The following MAST2 variants were observed in gnomAD, a reference collection of about 807,000 sequenced individuals.
MAST2 encodes the protein microtubule-associated serine/threonine-protein kinase 2.
A neutral mutation model predicts 147.4 loss-of-function variants in MAST2; 70 were observed. That is an observed-to-expected ratio of 0.47 (90% CI 0.39 to 0.58). MAST2 has a LOEUF of 0.58. MAST2 is among the 20% of genes least tolerant of loss of function. MAST2 has a pLI of 0.00. For missense variants in MAST2, 2,080 were observed against 2,302.3 expected, an observed-to-expected ratio of 0.90 and a Z score of 1.98; for synonymous variants, 869 against 896.8, an observed-to-expected ratio of 0.97 and a Z score of 0.55.
At chr1:45,960,757 CAGACTT>C (rs1416295709) in intron 5 of MAST2, among the ~76,000 whole-genome samples, 5 of 152,204 alleles carry the variant, frequency 3.3e-5, no homozygotes, top group Non-Finnish European at 5.9e-5. Flanking sequence ...TGGCAATTGA[CAGACTT>C]AGAACTGTTC....
At chr1:45,856,899 A>T in intron 3 of MAST2, among the ~76,000 whole-genome samples, 1 of 151,968 alleles carries the variant, frequency 6.6e-6, no homozygotes, top group South Asian at 2.1e-4. Flanking sequence ...TAAGCTAGTT[A>T]TTTTTAAATA....
At chr1:46,033,726 G>C in intron 26 of MAST2, 76 bp from the exon 27 acceptor site, 1 of 1,571,180 alleles carries the variant, frequency 6.4e-7, no homozygotes, top group East Asian at 2.3e-5. Flanking sequence ...AGCCATGCCA[G>C]AAGGGAAGGA....
At chr1:45,886,399 C>T (rs926967210) in intron 4 of MAST2, among the ~76,000 whole-genome samples, 37 of 151,468 alleles carry the variant, frequency 2.4e-4, no homozygotes, top group African/African-American at 1.7e-4. Flanking sequence ...CATTCTAATA[C>T]GCAAAATGCA....
intron 3 of MAST2, among the ~76,000 whole-genome samples, chr1:45,855,088 C>G (rs1160722523): frequency 6.6e-6 from 1 of 152,134 alleles, no homozygotes; most frequent in Non-Finnish European, 1.5e-5. Flanking sequence ...GGCATGATCC[C>G]CTTCCCAGAG....
chr1:45,915,515 C>G lies in MAST2; in HGVS notation c.500+33120C>G, dbSNP rs558680503. 2.6e-5 allele frequency among the ~76,000 whole-genome samples: 4 copies of G among 152,190 alleles called. No individual in the cohort carries two copies. The East Asian group carries it at 7.7e-4, about 29-fold the overall frequency. ...CACGAGGTCAGGAGATCGAGACCAT[C>G]CTGGCTAACACGGTGAAACTCTGTC... On this transcript the variant is annotated intron_variant, in intron 4 of 28. Coordinates refer to ENST00000361297, the MANE Select transcript of MAST2 (RefSeq NM_015112.3).
intron 3 of MAST2, among the ~76,000 whole-genome samples, chr1:45,863,925 TTG>T (rs1405729363): frequency 6.6e-6 from 1 of 152,192 alleles, no homozygotes; most frequent in Non-Finnish European, 1.5e-5. Context: ...ACTAACAATT[TTG>T]TGTGTGTGAC....
At position 46,027,821 on chromosome 1, in the gene MAST2, G is replaced by C; in HGVS notation, c.2010G>C (p.Glu670Asp). 1 of 1,614,164 alleles carries C rather than the reference G, an allele frequency of 6.2e-7. No homozygotes were observed. The highest frequency in any genetic ancestry group is 8.5e-7 in the Non-Finnish European group (1 of 1,180,042). Residue 670 changes from glutamate (E) to aspartate (D), a missense_variant, in exon 17 of 29, where the codon GAG (glutamate) becomes GAC (aspartate). Around this residue, in one of 4 missense-constraint regions of MAST2, gnomAD observed 209 missense variants for 309.5 expected, o/e 0.68. Coordinates refer to ENST00000361297, the MANE Select transcript of MAST2 (RefSeq NM_015112.3). ...TGAGTCTGACAACGAACTTGTATGA[G>C]GGTCATATTGAAAAGGATGCCCGGG... Reference protein sequence around the residue: ...GLMSLTTNLYEGHIEKDAREF... With the variant: ...GLMSLTTNLYDGHIEKDAREF...
At chr1:45,919,345 A>G (rs947894966) in intron 4 of MAST2, among the ~76,000 whole-genome samples, 3 of 152,162 alleles carry the variant, frequency 2.0e-5, no homozygotes, top group Non-Finnish European at 4.4e-5. Context: ...TGAATTAGCT[A>G]TTCATTCAGG....
intron 4 of MAST2, among the ~76,000 whole-genome samples, chr1:45,894,431 CTG>C (rs918902645): frequency 6.6e-6 from 1 of 151,998 alleles, no homozygotes; most frequent in African/African-American, 2.4e-5. Flanking sequence ...TTTTAAATAA[CTG>C]TAGTTTTTTT....
At chr1:45,909,817 T>C (rs892150114) in intron 4 of MAST2, among the ~76,000 whole-genome samples, 7 of 150,434 alleles carry the variant, frequency 4.7e-5, no homozygotes, top group Non-Finnish European at 1.0e-4. Flanking sequence ...CACCTGGCCC[T>C]TTCTTTTCTT....
intron 10 of MAST2, among the ~76,000 whole-genome samples, chr1:46,015,754 G>A (rs1307280824): frequency 6.6e-6 from 1 of 152,132 alleles, no homozygotes; most frequent in Non-Finnish European, 1.5e-5. Context: ...GTACAAGGAG[G>A]AATTGGTACC....
chr1:45,986,707 A>G (rs1178785316), intron 5 of MAST2, among the ~76,000 whole-genome samples: 1 of 113,126 alleles, frequency 8.8e-6, no homozygotes, highest in African/African-American at 3.5e-5. Flanking sequence ...ACACAGAGAG[A>G]CTCCGTCTCA....
Position 46,031,650 on chromosome 1 carries a change from A to C in MAST2, c.3187+65A>C. The C allele has an allele frequency of 1.3e-6, 2 of 1,501,226 alleles. No individual in the cohort carries two copies. Among genetic ancestry groups the C allele is most frequent in the East Asian group, 4.7e-5 (2 of 42,538 alleles). 93.0% of individuals were successfully genotyped at this position (1,501,226 alleles called of 1,614,324 possible). The stretch of plus-strand genomic sequence containing the variant: ...GGCCTTGTAATCTCTAGGCCTTGGG[A>C]GGGTTCTGCACGTGGCAGGTGTGTG... On this transcript the variant is annotated intron_variant, in intron 24 of 28. Transcript: ENST00000361297. The surrounding 1 kb of genome is among the most constrained non-coding windows in gnomAD (Gnocchi z 4.1).
chr1:45,930,391 T>G (rs200534318), intron 4 of MAST2, among the ~76,000 whole-genome samples: 3 of 147,278 alleles, frequency 2.0e-5, no homozygotes, highest in Admixed American at 6.9e-5. Flanking sequence ...TTTTTTGTTT[T>G]TTTTGTTTTG....
chr1:45,928,755 A>G (rs866615728), intron 4 of MAST2, among the ~76,000 whole-genome samples: 3 of 150,606 alleles, frequency 2.0e-5, no homozygotes, highest in Admixed American at 6.6e-5. Flanking sequence ...AATTTTTTCT[A>G]TTTTTTGTAG....
rs146020017 is a variant in MAST2, at chr1:45,913,730, T to G, written c.500+31335T>G. ...AATTTTTGCCGTAAGTTTGGGAAGC[T>G]TTTATAATTTCCTTTGGCTGACAGA... is the stretch of plus-strand genomic sequence containing the variant. On this transcript the variant is annotated intron_variant, in intron 4 of 28. Coordinates refer to ENST00000361297, the MANE Select transcript of MAST2 (RefSeq NM_015112.3). The G allele has an allele frequency of 3.1e-4, 313 of 1,011,568 alleles. 6 individuals are homozygous for G. In the East Asian group the frequency reaches 0.021, roughly 67 times the overall value. The allele number at this position is 1,011,568 out of a possible 1,614,324, so 62.7% of individuals were successfully genotyped here. A position where few individuals can be genotyped will look rare whatever the true frequency, so the allele number is the denominator to read the frequency against.
intron 4 of MAST2, among the ~76,000 whole-genome samples, chr1:45,907,405 T>C (rs1218994608): frequency 6.6e-6 from 1 of 152,172 alleles, no homozygotes; most frequent in Non-Finnish European, 1.5e-5. Flanking sequence ...TTTGAATTAA[T>C]TTCTTTAAAG....
chr1:45,829,650 C>G, intron 3 of MAST2, 69 bp downstream of exon 3: 1 of 1,447,158 alleles, frequency 6.9e-7, no homozygotes, highest in South Asian at 1.3e-5. Context: ...ATTGCAACAT[C>G]TATTCTTTTT....
At chr1:45,989,567 T>C (rs1005403959) in intron 5 of MAST2, among the ~76,000 whole-genome samples, 17 of 152,334 alleles carry the variant, frequency 1.1e-4, no homozygotes, top group Admixed American at 1.3e-4. Context: ...TTTTTTTTAA[T>C]TTGCCTTTAG....
Sources: allele counts gnomAD v4.1 joint callset (sites outside exome capture counted in the v4.1 genomes callset), GRCh38; gene constraint gnomAD v4.1.1; regional missense constraint gnomAD v4.1.1; non-coding constraint Gnocchi (gnomAD v3.1); transcripts MANE v1.5; gene names NCBI Gene and HGNC (gene_info 2026-07-23, HGNC 2026-07-21).